RYR3: variants seen among roughly 807,000 people sequenced by gnomAD.
The protein encoded by RYR3 is brain ryanodine receptor-calcium release channel.
In RYR3, 207 loss-of-function variants were observed where a neutral mutation model predicts 584.3. The observed-to-expected ratio is 0.35, with a 90% CI of 0.32 to 0.40. RYR3 has a LOEUF of 0.40. Among genes scored for constraint, RYR3 ranks in the 10% least tolerant of loss-of-function variants. RYR3 has a pLI of 1.00. For synonymous variants in RYR3, 2,416 were observed against 2,248.5 expected, an observed-to-expected ratio of 1.07 and a Z score of -2.11; for missense variants, 5,616 against 6,089.2, an observed-to-expected ratio of 0.92 and a Z score of 2.59.
chr15:33,863,513 G>A (rs562821335), intron 102 of RYR3, among the ~76,000 whole-genome samples: 15 of 152,204 alleles, frequency 9.9e-5, no homozygotes, highest in Admixed American at 5.2e-4. Flanking sequence ...CTTTGGAAAC[G>A]GTCTCTGAGA....
chr15:33,686,968 T>C (rs1298594686), intron 38 of RYR3, among the ~76,000 whole-genome samples: 2 of 152,218 alleles, frequency 1.3e-5, no homozygotes, highest in Non-Finnish European at 2.9e-5. Flanking sequence ...AATATCATAA[T>C]GGGCAGAAAC....
At chr15:33,740,725 G>A (rs1013249835) in intron 51 of RYR3, among the ~76,000 whole-genome samples, 31 of 152,334 alleles carry the variant, frequency 2.0e-4, no homozygotes, top group Non-Finnish European at 4.0e-4. Flanking sequence ...AGAGTGAGCA[G>A]GGAAAGTAAG....
At chr15:33,404,936 A>G (rs577870158) in intron 1 of RYR3, among the ~76,000 whole-genome samples, 1 of 152,316 alleles carries the variant, frequency 6.6e-6, no homozygotes, top group South Asian at 2.1e-4. Context: ...CTCCAGTCAG[A>G]TGACCTGAGG....
In RYR3 at chr15:33,818,634, A is replaced by G. The variant is rs753759751; in HGVS notation, c.10656A>G (p.Pro3552=). Residue 3552 remains proline (P), a synonymous_variant, in exon 76 of 104, where the codon CCA becomes CCG. Coordinates refer to ENST00000634891, the MANE Select transcript of RYR3 (RefSeq NM_001036.6). ...EEEETEKQPD[P]LHQIILYFSR... Reference sequence around the variant, plus strand: ...AAGAGACAGAAAAACAACCTGACCCACTACATCAGATCATTCTCTATTTTA... The same window carrying G: ...AAGAGACAGAAAAACAACCTGACCCGCTACATCAGATCATTCTCTATTTTA... The G allele has an allele frequency of 5.6e-6, 9 of 1,613,978 alleles. No individual in the cohort carries two copies. In the Admixed American group the frequency reaches 1.2e-4, roughly 21 times the overall value.
intron 81 of RYR3, among the ~76,000 whole-genome samples, chr15:33,825,315 T>C (rs541609781): frequency 1.4e-4 from 21 of 152,322 alleles, no homozygotes; most frequent in Non-Finnish European, 1.0e-4. Flanking sequence ...AGTGAAGACC[T>C]TGAGTCTTCA....
chr15:33,395,370 G>A (rs11631192), intron 1 of RYR3, among the ~76,000 whole-genome samples: 15,471 of 152,252 alleles, frequency 0.1, 966 homozygotes, highest in South Asian at 0.28. Context: ...GCACTGCTAT[G>A]TTTGTGATAG....
intron 1 of RYR3, among the ~76,000 whole-genome samples, chr15:33,443,592 C>G (rs948612164): frequency 6.6e-6 from 1 of 152,050 alleles, no homozygotes; most frequent in East Asian, 1.9e-4. Context: ...TTACCTAGGA[C>G]AGTACAGACA....
chr15:33,509,595 G>A lies in RYR3; in HGVS notation c.279+5857G>A, dbSNP rs540203272. ...GAATGAGTCAAATCTAGCAAGCATT[G>A]ATTACACTTCAGGAGAGTTCATAAG... On this transcript the variant is annotated intron_variant, in intron 3 of 103. Coordinates refer to ENST00000634891, the MANE Select transcript of RYR3 (RefSeq NM_001036.6). 3.8e-4 allele frequency among the ~76,000 whole-genome samples: 58 copies of A among 152,268 alleles called. No homozygotes were observed. In the South Asian group the frequency reaches 4.4e-3, roughly 11 times the overall value.
Position 33,662,198 on chromosome 15 carries a change from G to C in RYR3, c.4668G>C (p.Arg1556=). 1 of 1,607,414 alleles carries C rather than the reference G, an allele frequency of 6.2e-7. No homozygotes were observed. Among genetic ancestry groups the C allele is most frequent in the Non-Finnish European group, 8.5e-7 (1 of 1,177,650 alleles). ...LELCEQEDLM[R]FHYHTLRLYS... ...TCTGTGAGCAGGAGGACCTGATGCGGTTCCATTACCACACGCTGAGGCTCT... is the reference window on the plus strand; with the variant it reads ...TCTGTGAGCAGGAGGACCTGATGCGCTTCCATTACCACACGCTGAGGCTCT... Residue 1556 remains arginine, a synonymous_variant, in exon 35 of 104, where the codon CGG becomes CGC. Coordinates refer to ENST00000634891, the MANE Select transcript of RYR3 (RefSeq NM_001036.6).
intron 20 of RYR3, among the ~76,000 whole-genome samples, chr15:33,627,234 A>G (rs900407351): frequency 2.6e-5 from 4 of 152,208 alleles, no homozygotes; most frequent in East Asian, 1.9e-4. Context: ...GGAATTTTAT[A>G]TGAAGTCTCC....
chr15:33,725,311 C>T (rs377229982), intron 45 of RYR3, among the ~76,000 whole-genome samples: 9 of 152,102 alleles, frequency 5.9e-5, no homozygotes, highest in East Asian at 1.9e-4. Context: ...GAGATGGAGG[C>T]GGCACCAGGG....
chr15:33,312,851 T>C (rs975109727), intron 1 of RYR3, among the ~76,000 whole-genome samples: 1 of 152,184 alleles, frequency 6.6e-6, no homozygotes, highest in African/African-American at 2.4e-5. Context: ...CCATCTGGCA[T>C]TGTAAGTGTT....
At chr15:33,723,277 A>G (rs563307323) in intron 44 of RYR3, among the ~76,000 whole-genome samples, 1 of 152,352 alleles carries the variant, frequency 6.6e-6, no homozygotes, top group South Asian at 2.1e-4. Flanking sequence ...CCTCATTTGT[A>G]AAAACAGATA....
chr15:33,670,630 C>A, intron 38 of RYR3, 74 bp downstream of exon 38: 1 of 1,414,370 alleles, frequency 7.1e-7, no homozygotes, highest in African/African-American at 1.4e-5. Context: ...TAAACAAATA[C>A]TGTAAGATAG....
intron 1 of RYR3, among the ~76,000 whole-genome samples, chr15:33,377,002 A>G (rs1361515269): frequency 6.6e-6 from 1 of 152,158 alleles, no homozygotes; most frequent in East Asian, 1.9e-4. Context: ...ATATGAGGCA[A>G]TGTTTTGAAA....
chr15:33,807,760 G>T, intron 70 of RYR3, 191 bp downstream of exon 70: 1 of 607,348 alleles, frequency 1.6e-6, no homozygotes, highest in Non-Finnish European at 2.9e-6. Context: ...CCCTTGGAAT[G>T]GGGAAGCCGG....
At chr15:33,757,672 A>G in intron 60 of RYR3, 76 bp downstream of exon 60, 1 of 1,498,018 alleles carries the variant, frequency 6.7e-7, no homozygotes. Context: ...GTGGACTAAA[A>G]GGCGAGTCTT....
chr15:33,823,589 G>A (rs373554504), intron 81 of RYR3, among the ~76,000 whole-genome samples: 1 of 152,158 alleles, frequency 6.6e-6, no homozygotes, highest in South Asian at 2.1e-4. Context: ...ATCCTGGCAT[G>A]GGAACATTTT....
intron 1 of RYR3, among the ~76,000 whole-genome samples, chr15:33,369,294 A>G (rs1018216124): frequency 1.3e-5 from 2 of 152,114 alleles, no homozygotes; most frequent in African/African-American, 4.8e-5. Context: ...CCCTCTCCCT[A>G]TAGCCTACCC....
Sources: allele counts gnomAD v4.1 joint callset (sites outside exome capture counted in the v4.1 genomes callset), GRCh38; gene constraint gnomAD v4.1.1; transcripts MANE v1.5; gene names NCBI Gene and HGNC (gene_info 2026-07-23, HGNC 2026-07-21).